Variants in BAZ2B observed in about 807,000 individuals in gnomAD.
BAZ2B encodes the protein bromodomain adjacent to zinc finger domain protein 2B.
BAZ2B carries 91 observed loss-of-function variants against 246.0 expected under a neutral mutation model. That is an observed-to-expected ratio of 0.37 (90% CI 0.31 to 0.44). BAZ2B has a LOEUF of 0.44. Ranked by LOEUF, BAZ2B falls within the 20% of genes least tolerant of loss-of-function variation. The pLI is 1.00. For missense variants in BAZ2B, 2,332 were observed against 2,533.7 expected, an observed-to-expected ratio of 0.92 and a Z score of 1.71; for synonymous variants, 855 against 860.0, an observed-to-expected ratio of 0.99 and a Z score of 0.10.
Position 159,554,633 on chromosome 2 carries a change from T to C in BAZ2B, c.-3+1190A>G, listed in dbSNP as rs1004492951. ...AAAAGATTGAACATAAATAAAAACA[T>C]TATTGATATGTGAATTTATACTTCT... On this transcript the variant is annotated intron_variant, in intron 2 of 36. Coordinates refer to ENST00000392783, the MANE Select transcript of BAZ2B (RefSeq NM_013450.4). 6.6e-5 allele frequency among the ~76,000 whole-genome samples: 10 copies of C among 151,942 alleles called. No homozygotes were observed. In the South Asian group the frequency reaches 2.1e-3, roughly 31 times the overall value.
intron 13 of BAZ2B, among the ~76,000 whole-genome samples, chr2:159,422,257 A>G (rs1262593436): frequency 6.6e-6 from 1 of 152,234 alleles, no homozygotes. Context: ...TAAAATTCAT[A>G]TGAAACCTAA....
At chr2:159,691,739 A>G in the BAZ2B span, among the ~76,000 whole-genome samples, 1 of 152,232 alleles carries the variant, frequency 6.6e-6, no homozygotes, top group Admixed American at 6.5e-5. Flanking sequence ...GTATTACACT[A>G]AACAGGATAA....
chr2:159,685,742 G>T, the BAZ2B span, among the ~76,000 whole-genome samples: 2 of 152,014 alleles, frequency 1.3e-5, no homozygotes, highest in African/African-American at 4.8e-5. Context: ...ACACTATAAT[G>T]CAAAGAATAA....
Position 159,325,112 on chromosome 2 carries a change from ATATTTTATATATATATATATATAT to A in BAZ2B, c.6210-182_6210-159del. On this transcript the variant is annotated intron_variant, in intron 35 of 36. Coordinates refer to ENST00000392783, the MANE Select transcript of BAZ2B (RefSeq NM_013450.4). ...ATATATTATATATATATATATATAT[ATATTTTATATATATATATATATAT>A]ATATATATATATGAGATAGGGTCTT... is the stretch of plus-strand genomic sequence containing the variant. Among the ~76,000 whole-genome samples the A allele has an allele frequency of 3.3e-3, 19 of 5,728 alleles. 3 individuals carry two copies. The highest frequency in any genetic ancestry group is 0.018 in the Admixed American group (8 of 440). 3.8% of individuals were successfully genotyped at this position (5,728 alleles called of 152,430 possible).
At chr2:159,511,813 T>C (rs879802862) in intron 2 of BAZ2B, among the ~76,000 whole-genome samples, 6 of 152,180 alleles carry the variant, frequency 3.9e-5, no homozygotes, top group Non-Finnish European at 8.8e-5. Context: ...AAATAAAGAA[T>C]GTTGTAGGGG....
chr2:159,689,985 C>A, the BAZ2B span: 1 of 384,690 alleles, frequency 2.6e-6, no homozygotes. Flanking sequence ...CATTTTTTGA[C>A]CATAGAACAC....
rs2069847683 is a variant in BAZ2B at position 159,426,276 on chromosome 2, C to T, written c.2466+1665G>A. 2.0e-5 allele frequency among the ~76,000 whole-genome samples: 3 copies of T among 152,216 alleles called. No individual in the cohort carries two copies. The South Asian group carries it at 6.2e-4, about 32-fold the overall frequency. Reference sequence around the variant, plus strand: ...AGGTCTAATTATCACTGATATAAAACTAAAAATCCTTTATATGCTAAATAG... The same window carrying T: ...AGGTCTAATTATCACTGATATAAAATTAAAAATCCTTTATATGCTAAATAG... On this transcript the variant is annotated intron_variant, in intron 13 of 36. Coordinates refer to ENST00000392783, the MANE Select transcript of BAZ2B (RefSeq NM_013450.4).
At chr2:159,474,821 G>C (rs935240727) in intron 3 of BAZ2B, among the ~76,000 whole-genome samples, 3 of 152,162 alleles carry the variant, frequency 2.0e-5, no homozygotes, top group African/African-American at 7.2e-5. Context: ...TTGAAGCTCA[G>C]TTTGGCGGGG....
At chr2:159,477,008 A>G (rs1481348705) in intron 3 of BAZ2B, among the ~76,000 whole-genome samples, 3 of 152,202 alleles carry the variant, frequency 2.0e-5, no homozygotes, top group African/African-American at 7.2e-5. Flanking sequence ...ATTGATTTTT[A>G]AAAAATATAT....
the BAZ2B span, among the ~76,000 whole-genome samples, chr2:159,623,369 G>GA: frequency 2.7e-5 from 4 of 150,920 alleles, no homozygotes; most frequent in African/African-American, 4.9e-5. Context: ...CCCTGTCTCA[G>GA]AAAAAAAACA....
intron 2 of BAZ2B, among the ~76,000 whole-genome samples, chr2:159,481,484 CAGT>C (rs2079224044): frequency 6.6e-6 from 1 of 151,250 alleles, no homozygotes; most frequent in African/African-American, 2.4e-5. Context: ...TTACTAAAAG[CAGT>C]GGGTCAAAAT....
At chr2:159,458,975 C>G (rs1041996787) in intron 3 of BAZ2B, 16 of 152,288 alleles carry the variant, frequency 1.1e-4, no homozygotes, top group African/African-American at 3.1e-4. Flanking sequence ...AATTGTTTCT[C>G]ACTGCTGTAT....
At chr2:159,331,579 G>T (rs577701204) in intron 34 of BAZ2B, among the ~76,000 whole-genome samples, 1 of 152,268 alleles carries the variant, frequency 6.6e-6, no homozygotes, top group African/African-American at 2.4e-5. Flanking sequence ...GTTTTGCCAT[G>T]TTGGCCAGGC....
chr2:159,517,202 T>C (rs1330870401), intron 2 of BAZ2B, among the ~76,000 whole-genome samples: 1 of 152,114 alleles, frequency 6.6e-6, no homozygotes, highest in Non-Finnish European at 1.5e-5. Flanking sequence ...CTCTACATCA[T>C]TTTAAACTCA....
chr2:159,466,026 A>G (rs576710191), intron 3 of BAZ2B, among the ~76,000 whole-genome samples: 54 of 152,226 alleles, frequency 3.5e-4, no homozygotes, highest in Non-Finnish European at 7.5e-4. Context: ...TAACATAAAT[A>G]CTCAAAGAAA....
intron 27 of BAZ2B, among the ~76,000 whole-genome samples, chr2:159,351,583 TGA>T (rs769217199): frequency 2.0e-5 from 3 of 152,200 alleles, no homozygotes; most frequent in Non-Finnish European, 2.9e-5. Flanking sequence ...TTAAAGTAAC[TGA>T]GAGCATCTGT....
chr2:159,578,910 G>A (rs1686027524), intron 1 of BAZ2B, among the ~76,000 whole-genome samples: 1 of 152,144 alleles, frequency 6.6e-6, no homozygotes, highest in African/African-American at 2.4e-5. Flanking sequence ...CCACCTCTGG[G>A]ACACATTTAA....
At chr2:159,578,999 C>G (rs547527005) in intron 1 of BAZ2B, among the ~76,000 whole-genome samples, 1 of 152,194 alleles carries the variant, frequency 6.6e-6, no homozygotes, top group African/African-American at 2.4e-5. Flanking sequence ...ACCCTAACGT[C>G]ACAATTAAAA....
intron 1 of BAZ2B, among the ~76,000 whole-genome samples, chr2:159,565,628 T>C (rs1270755912): frequency 6.6e-6 from 1 of 151,886 alleles, no homozygotes; most frequent in African/African-American, 2.4e-5. Flanking sequence ...AATACAAAAA[T>C]TAGCCAGGTG....
Sources: gnomAD v4.1 joint callset for allele counts (sites outside exome capture counted in the v4.1 genomes callset) on GRCh38, gnomAD v4.1.1 for gene constraint, MANE v1.5 for transcripts, NCBI Gene and HGNC (gene_info 2026-07-23, HGNC 2026-07-21) for gene names.